LRP5: variants seen among roughly 807,000 people sequenced by gnomAD.
LRP5 encodes the protein LDL receptor related protein 5, also known as low-density lipoprotein receptor-related protein 5.
In LRP5, 62 loss-of-function variants were observed where a neutral mutation model predicts 154.1. That is an observed-to-expected ratio of 0.40 (90% CI 0.33 to 0.50). LRP5 has a LOEUF of 0.50. Among genes scored for constraint, LRP5 ranks in the 20% least tolerant of loss-of-function variants. The pLI is 0.55. For missense variants in LRP5, 1,915 were observed against 2,336.7 expected (o/e 0.82, Z 3.72); for synonymous variants, 966 against 1,011.5 (o/e 0.96, Z 0.85).
Position 68,416,342 on chromosome 11 carries a change from T to C in LRP5, c.2842T>C (p.Leu948=), listed in dbSNP as rs766546188. Residue 948 remains leucine (L), a synonymous_variant, in exon 13 of 23, where the codon TTG becomes CTG. Transcript: ENST00000294304. ...GCCTCCTCTAGCGCCCACCACCTTC[T>C]TGCTGTTCAGCCAGAAATCTGCCAT... ...SRNCSPPTTF[L]LFSQKSAISR... is the part of the protein sequence containing the mutation. The C allele has an allele frequency of 6.2e-7, 1 of 1,614,084 alleles. No individual in the cohort carries two copies. The highest frequency in any genetic ancestry group is 1.7e-5 in the Admixed American group (1 of 60,030).
At chr11:68,402,202 G>A (rs1445570131) in intron 7 of LRP5, among the ~76,000 whole-genome samples, 2 of 152,290 alleles carry the variant, frequency 1.3e-5, no homozygotes, top group East Asian at 1.9e-4. Flanking sequence ...CCTGAGAGCC[G>A]GAGAACTTGG....
In LRP5 at chr11:68,433,736, G is replaced by A. The variant is rs565799629; in HGVS notation, c.3898G>A (p.Ala1300Thr). The A allele has an allele frequency of 5.0e-6, 8 of 1,612,730 alleles. No homozygotes were observed. The highest frequency in any genetic ancestry group is 4.0e-5 in the African/African-American group (3 of 75,038). ...SDEEGCPVCS[A>T]AQFPCARGQC... Reference sequence around the variant, plus strand: ...CGAGGAGGGCTGCCCCGTGTGCTCCGCCGCCCAGTTCCCCTGCGCGCGGGG... The same window carrying A: ...CGAGGAGGGCTGCCCCGTGTGCTCCACCGCCCAGTTCCCCTGCGCGCGGGG... The change falls in exon 18 of 23, where the codon GCC becomes ACC. Residue 1300 changes from alanine (A) to threonine (T), a missense_variant. By Grantham distance (58) the Ala-to-Thr change is moderately conservative. This residue lies in a region of LRP5 where 1,094 missense variants were observed against 1,210.1 expected (regional missense o/e 0.90). Coordinates refer to ENST00000294304, the MANE Select transcript of LRP5 (RefSeq NM_002335.4).
intron 12 of LRP5, among the ~76,000 whole-genome samples, chr11:68,414,302 C>T (rs572464377): frequency 6.6e-6 from 1 of 152,344 alleles, no homozygotes; most frequent in African/African-American, 2.4e-5. Context: ...CTTGCTCATA[C>T]TGCCAGCACA....
rs2098682217 is a variant in LRP5 at position 68,447,728 on chromosome 11, C to T, written c.4587-1081C>T. ...GTATCCTGTCCTGCTGCACTTTTCTCAACACCCGGTGTTGGCTGCACCTTC... is the reference window on the plus strand; with the variant it reads ...GTATCCTGTCCTGCTGCACTTTTCTTAACACCCGGTGTTGGCTGCACCTTC... On this transcript the variant is annotated intron_variant, in intron 22 of 22. Transcript: ENST00000294304. The surrounding 1 kb of genome is among the most constrained non-coding windows in gnomAD (Gnocchi z 4.3). 6.6e-6 allele frequency among the ~76,000 whole-genome samples: 1 copy of T among 152,206 alleles called. No homozygotes were observed. The highest frequency in any genetic ancestry group is 2.4e-5 in the African/African-American group (1 of 41,456).
intron 19 of LRP5, among the ~76,000 whole-genome samples, chr11:68,437,549 G>C (rs2098675701): frequency 6.6e-6 from 1 of 152,256 alleles, no homozygotes; most frequent in African/African-American, 2.4e-5. Context: ...CAGGCAGGAA[G>C]GGAGCTGAGT....
In LRP5 at chr11:68,426,968, G is replaced by A. The variant is rs148107794; in HGVS notation, c.3637+781G>A. Among the ~76,000 whole-genome samples, 1,250 of 152,298 alleles carry A rather than the reference G, an allele frequency of 8.2e-3. 17 individuals are homozygous for A. The highest frequency in any genetic ancestry group is 0.028 in the African/African-American group (1,168 of 41,564). ...TCTCAGCTCCTAGAGGCCACCACAG[G>A]TCCTTGCCCCGTGGCCCTCTCTGCC... On this transcript the variant is annotated intron_variant, in intron 16 of 22. Coordinates refer to ENST00000294304, the MANE Select transcript of LRP5 (RefSeq NM_002335.4).
chr11:68,419,529 C>A (rs1311657936), intron 13 of LRP5, among the ~76,000 whole-genome samples: 7 of 148,454 alleles, frequency 4.7e-5, no homozygotes, highest in Non-Finnish European at 8.9e-5. Flanking sequence ...CCACAACACC[C>A]AGCCATTTTA....
chr11:68,386,182 C>A lies in LRP5; in HGVS notation c.1016-134C>A. 9.2e-7 allele frequency: 1 copy of A among 1,082,524 alleles called. No individual in the cohort carries two copies. Among genetic ancestry groups the A allele is most frequent in the South Asian group, 1.3e-5 (1 of 75,710 alleles). The allele number at this position is 1,082,524 out of a possible 1,614,324, so 67.1% of individuals were successfully genotyped here. A position where few individuals can be genotyped will look rare whatever the true frequency, so the allele number is the denominator to read the frequency against. ...GTAGCATGGGCTGGGTGCGTGTCAC[C>A]TAACATCACCAGCCTTTGCAAGGAG... On this transcript the variant is annotated intron_variant, in intron 5 of 22. Coordinates refer to ENST00000294304, the MANE Select transcript of LRP5 (RefSeq NM_002335.4). This position sits in a 1 kb window ranked among gnomAD's most constrained non-coding sequence, Gnocchi z 7.9.
intron 5 of LRP5, among the ~76,000 whole-genome samples, chr11:68,380,767 C>T (rs2098639833): frequency 6.6e-6 from 1 of 152,220 alleles, no homozygotes. Flanking sequence ...TCAGATCAGC[C>T]CCGGCGACAG....
Position 68,424,437 on chromosome 11 carries a change from C to T in LRP5, c.3237-665C>T, listed in dbSNP as rs532528302. Reference sequence around the variant, plus strand: ...GGTAGGAGTGACGGCCACAGTGGTGCGGCCTCTGCAGCACACGGGGGGCTC... The same window carrying T: ...GGTAGGAGTGACGGCCACAGTGGTGTGGCCTCTGCAGCACACGGGGGGCTC... On this transcript the variant is annotated intron_variant, in intron 14 of 22. Coordinates refer to ENST00000294304, the MANE Select transcript of LRP5 (RefSeq NM_002335.4). Among the ~76,000 whole-genome samples, 109 of 152,070 alleles carry T rather than the reference C, an allele frequency of 7.2e-4. 1 individual carries two copies. The highest frequency in any genetic ancestry group is 6.8e-3 in the Middle Eastern group (2 of 294).
In LRP5 at chr11:68,395,598, G is replaced by T. The variant is rs765189561; in HGVS notation, c.1584+5546G>T. Reference sequence around the variant, plus strand: ...TTACACAGGCTGTTTCTAAGAGGGGGATACATTGCATAAGCGTTTTCAGAC... The same window carrying T: ...TTACACAGGCTGTTTCTAAGAGGGGTATACATTGCATAAGCGTTTTCAGAC... On this transcript the variant is annotated intron_variant, in intron 7 of 22. Transcript: ENST00000294304. 1.7e-4 allele frequency among the ~76,000 whole-genome samples: 26 copies of T among 152,200 alleles called. 1 individual carries two copies. Among genetic ancestry groups the T allele is most frequent in the Middle Eastern group, 6.8e-3 (2 of 294 alleles).
chr11:68,388,411 G>A (rs2098644207), intron 6 of LRP5, among the ~76,000 whole-genome samples: 1 of 152,094 alleles, frequency 6.6e-6, no homozygotes, highest in South Asian at 2.1e-4. Context: ...CCAGGGACAT[G>A]GGCTTGGCAG....
At chr11:68,394,266 A>C (rs898953666) in intron 7 of LRP5, among the ~76,000 whole-genome samples, 1 of 151,930 alleles carries the variant, frequency 6.6e-6, no homozygotes, top group African/African-American at 2.4e-5. Flanking sequence ...GGTGAAAGGA[A>C]GGAATTCCAG....
Position 68,423,842 on chromosome 11 carries a change from A to G in LRP5, c.3236+145A>G. On this transcript the variant is annotated intron_variant, in intron 14 of 22. Transcript: ENST00000294304. This position sits in a 1 kb window ranked among gnomAD's most constrained non-coding sequence, Gnocchi z 4.7. ...GCTTTCCAGGGTCCCAAAAGCAAACACAGGCTCTTTCACAGCCCCTCCAGG... is the reference window on the plus strand; with the variant it reads ...GCTTTCCAGGGTCCCAAAAGCAAACGCAGGCTCTTTCACAGCCCCTCCAGG... 1.4e-6 allele frequency: 1 copy of G among 734,058 alleles called. No homozygotes were observed. Among genetic ancestry groups the G allele is most frequent in the Non-Finnish European group, 2.2e-6 (1 of 450,178 alleles). The allele number at this position is 734,058 out of a possible 1,614,324, so 45.5% of individuals were successfully genotyped here. A position where few individuals can be genotyped will look rare whatever the true frequency, so the allele number is the denominator to read the frequency against.
In LRP5 at chr11:68,397,972, T is replaced by TG. The variant is rs2098650381; in HGVS notation, c.1585-5511_1585-5510insG. Among the ~76,000 whole-genome samples, 158 of 142,192 alleles carry TG rather than the reference T, an allele frequency of 1.1e-3. 1 individual carries two copies. Among genetic ancestry groups the TG allele is most frequent in the African/African-American group, 3.7e-3 (145 of 38,712 alleles). The allele number at this position is 142,192 out of a possible 152,430, so 93.3% of individuals were successfully genotyped here. On this transcript the variant is annotated intron_variant, in intron 7 of 22. Transcript: ENST00000294304. Reference sequence around the variant, plus strand: ...TTTGGCACTGCAGAGCTGTGTGTGTTTGTGTGTGTGTGTGTGTGTGTGTGT... The same window carrying TG: ...TTTGGCACTGCAGAGCTGTGTGTGTTGTGTGTGTGTGTGTGTGTGTGTGTGT...
In LRP5 at chr11:68,429,657, C is replaced by A; in HGVS notation, c.3720C>A (p.Cys1240Ter). 1.9e-6 allele frequency: 3 copies of A among 1,614,144 alleles called. No individual in the cohort carries two copies. Among genetic ancestry groups the A allele is most frequent in the Non-Finnish European group, 2.5e-6 (3 of 1,180,030 alleles). Residue 1240 changes from cysteine to a stop codon, truncating the protein, a stop_gained, in exon 17 of 23, where the codon TGC (cysteine) becomes TGA (stop). Coordinates refer to ENST00000294304, the MANE Select transcript of LRP5 (RefSeq NM_002335.4). LOFTEE classifies it high-confidence loss of function. ...AKGDGTPRCS[C>*]PVHLVLLQNL... is the part of the protein sequence containing the mutation. ...GTGATGGGACACCACGGTGCTCATG[C>A]CCAGTCCACCTCGTGCTCCTGCAGA...
intron 1 of LRP5, among the ~76,000 whole-genome samples, chr11:68,341,423 C>G (rs1291850539): frequency 6.6e-6 from 1 of 152,072 alleles, no homozygotes; most frequent in African/African-American, 2.4e-5. Context: ...CTCATCGCCC[C>G]AGGTCTGTTG....
At chr11:68,403,063 T>A (rs765658029) in intron 7 of LRP5, among the ~76,000 whole-genome samples, 3 of 152,128 alleles carry the variant, frequency 2.0e-5, no homozygotes, top group Non-Finnish European at 2.9e-5. Flanking sequence ...CTGGTCAACA[T>A]GGTGAAACCC....
intron 1 of LRP5, among the ~76,000 whole-genome samples, chr11:68,347,443 G>C (rs2098614043): frequency 6.6e-6 from 1 of 152,206 alleles, no homozygotes; most frequent in East Asian, 1.9e-4. Context: ...TGCTGTGCCT[G>C]CATGTCCCCA....
Sources: gnomAD v4.1 joint callset for allele counts (sites outside exome capture counted in the v4.1 genomes callset) on GRCh38, gnomAD v4.1.1 for gene constraint, gnomAD v4.1.1 regional missense constraint, Gnocchi (gnomAD v3.1) non-coding constraint, MANE v1.5 for transcripts, NCBI Gene and HGNC (gene_info 2026-07-23, HGNC 2026-07-21) for gene names.